The following XKR4 variants were observed in gnomAD, a reference collection of about 807,000 sequenced individuals.
The protein encoded by XKR4 is XK-related protein 4.
Under a neutral mutation model 53.9 loss-of-function variants are expected in XKR4, and 12 were observed. The observed-to-expected ratio is 0.22, with a 90% confidence interval of 0.14 to 0.36. The LOEUF (loss-of-function observed/expected upper bound fraction) is 0.36, where lower values mean the gene tolerates loss of function less well. Ranked by LOEUF, XKR4 falls within the 10% of genes least tolerant of loss-of-function variation. The pLI is 1.00. For synonymous variants in XKR4, 354 were observed against 362.4 expected (o/e 0.98, Z 0.26); for missense variants, 799 against 859.5 (o/e 0.93, Z 0.88).
At chr8:55,308,407 C>T (rs1413560226) in intron 1 of XKR4, among the ~76,000 whole-genome samples, 4 of 152,114 alleles carry the variant, frequency 2.6e-5, no homozygotes, top group Admixed American at 6.5e-5. Context: ...ACCTTTTTCA[C>T]AAGGCAGCAG....
rs967154664 is a variant in XKR4 at position 55,532,689 on chromosome 8, C to G, written c.*8462C>G. On this transcript the variant is annotated 3_prime_UTR_variant, in exon 3 of 3. Coordinates refer to ENST00000327381, the MANE Select transcript of XKR4 (RefSeq NM_052898.2). Reference sequence around the variant, plus strand: ...GCGGGCGCCTGTGGTCCCAGCTACTCGGGAGGCTGAGGCAGGAGAATGGCA... The same window carrying G: ...GCGGGCGCCTGTGGTCCCAGCTACTGGGGAGGCTGAGGCAGGAGAATGGCA... 6.8e-6 allele frequency: 1 copy of G among 147,764 alleles called. No individual in the cohort carries two copies. The highest frequency in any genetic ancestry group is 1.5e-5 in the Non-Finnish European group (1 of 67,578). The allele number at this position is 147,764 out of a possible 1,614,324, so 9.2% of individuals were successfully genotyped here.
At chr8:55,372,908 T>C (rs1425201186) in intron 2 of XKR4, among the ~76,000 whole-genome samples, 2 of 152,092 alleles carry the variant, frequency 1.3e-5, no homozygotes, top group Non-Finnish European at 2.9e-5. Flanking sequence ...CTGCAAACTG[T>C]CAGAGCAGAT....
At chr8:55,454,858 C>G in intron 2 of XKR4, 1 of 764,780 alleles carries the variant, frequency 1.3e-6, no homozygotes, top group Non-Finnish European at 2.4e-6. Context: ...TCCTCCCACT[C>G]AGTGGCATCC....
chr8:55,468,688 A>G (rs1345395058), intron 2 of XKR4, among the ~76,000 whole-genome samples: 1 of 152,116 alleles, frequency 6.6e-6, no homozygotes, highest in Non-Finnish European at 1.5e-5. Context: ...AGTTTCTTAA[A>G]CCTTCCTTGA....
chr8:55,163,507 A>G (rs1188156094), intron 1 of XKR4, among the ~76,000 whole-genome samples: 3 of 152,124 alleles, frequency 2.0e-5, no homozygotes, highest in African/African-American at 7.2e-5. Flanking sequence ...TTTTTGTTCC[A>G]TAGCTCAGAT....
intron 1 of XKR4, among the ~76,000 whole-genome samples, chr8:55,252,514 G>A (rs1196891831): frequency 2.0e-5 from 3 of 152,278 alleles, no homozygotes; most frequent in South Asian, 2.1e-4. Flanking sequence ...AACACAAGAC[G>A]CCGCCCGACC....
In XKR4 at chr8:55,408,398, C is replaced by T. The variant is rs142064269; in HGVS notation, c.1006+50521C>T. 7.2e-5 allele frequency among the ~76,000 whole-genome samples: 11 copies of T among 152,274 alleles called. No individual in the cohort carries two copies. The East Asian group carries it at 2.1e-3, about 29-fold the overall frequency. ...TGACTCAATCAAAAAAATGCTGGCTCAGAAGTTAAGAGTCCTGGCTTCACT... is the reference window on the plus strand; with the variant it reads ...TGACTCAATCAAAAAAATGCTGGCTTAGAAGTTAAGAGTCCTGGCTTCACT... On this transcript the variant is annotated intron_variant, in intron 2 of 2. Transcript: ENST00000327381.
chr8:55,454,422 C>T lies in XKR4; in HGVS notation c.1007-68859C>T. 10 of 1,255,286 alleles carry T rather than the reference C, an allele frequency of 8.0e-6. 2 individuals carry two copies. The South Asian group carries it at 1.3e-4, about 16-fold the overall frequency. 77.8% of individuals were successfully genotyped at this position (1,255,286 alleles called of 1,614,324 possible). ...AGCAATGCCAGGAGGCTCCTGCAGG[C>T]ATCGGTGAGCTGCTGGTAGCTCCGG... On this transcript the variant is annotated intron_variant, in intron 2 of 2. Transcript: ENST00000327381.
intron 1 of XKR4, among the ~76,000 whole-genome samples, chr8:55,294,787 G>C (rs772442279): frequency 6.6e-6 from 1 of 152,122 alleles, no homozygotes; most frequent in Non-Finnish European, 1.5e-5. Context: ...TAATAGGTGA[G>C]TGTTTGCAGC....
chr8:55,308,506 G>A (rs527602340), intron 1 of XKR4, among the ~76,000 whole-genome samples: 2 of 152,178 alleles, frequency 1.3e-5, no homozygotes, highest in East Asian at 3.9e-4. Flanking sequence ...AACAGCATGG[G>A]GGAAACTGCC....
intron 2 of XKR4, among the ~76,000 whole-genome samples, chr8:55,376,555 C>T (rs1225747860): frequency 6.6e-6 from 1 of 151,928 alleles, no homozygotes; most frequent in Non-Finnish European, 1.5e-5. Flanking sequence ...TGTTCTTTGC[C>T]CACTTTTTAA....
At chr8:55,337,654 G>C (rs1215686808) in intron 1 of XKR4, among the ~76,000 whole-genome samples, 2 of 152,182 alleles carry the variant, frequency 1.3e-5, no homozygotes, top group African/African-American at 4.8e-5. Context: ...GTATGCAGTG[G>C]CAGGGGCAAT....
chr8:55,163,258 T>A (rs963665346), intron 1 of XKR4, among the ~76,000 whole-genome samples: 2 of 152,228 alleles, frequency 1.3e-5, no homozygotes, highest in African/African-American at 4.8e-5. Context: ...TACTTATTAT[T>A]AGCTACTTGC....
chr8:55,522,339 G>T (rs957787957), intron 2 of XKR4, among the ~76,000 whole-genome samples: 2 of 152,202 alleles, frequency 1.3e-5, no homozygotes, highest in Non-Finnish European at 2.9e-5. Flanking sequence ...CTAAGAGATG[G>T]AAGACAGGGA....
chr8:55,328,992 T>C (rs904921189), intron 1 of XKR4, among the ~76,000 whole-genome samples: 1 of 152,176 alleles, frequency 6.6e-6, no homozygotes, highest in Non-Finnish European at 1.5e-5. Context: ...CAAGGGTCCC[T>C]GATTCTCTTG....
chr8:55,144,495 C>T (rs1052639071), intron 1 of XKR4, among the ~76,000 whole-genome samples: 4 of 152,088 alleles, frequency 2.6e-5, no homozygotes, highest in African/African-American at 4.8e-5. Context: ...TCCAGGCAAC[C>T]GTTGCCATGA....
chr8:55,508,570 T>C (rs550804344), intron 2 of XKR4, among the ~76,000 whole-genome samples: 1 of 152,278 alleles, frequency 6.6e-6, no homozygotes, highest in East Asian at 1.9e-4. Flanking sequence ...AGGATAGGTT[T>C]CTCAAAGGAG....
At chr8:55,471,558 T>C (rs1805883015) in intron 2 of XKR4, among the ~76,000 whole-genome samples, 1 of 152,126 alleles carries the variant, frequency 6.6e-6, no homozygotes, top group Non-Finnish European at 1.5e-5. Context: ...AACAGAGCTG[T>C]AAAGCATGGT....
intron 1 of XKR4, among the ~76,000 whole-genome samples, chr8:55,229,659 C>T (rs1818004174): frequency 6.6e-6 from 1 of 152,180 alleles, no homozygotes. Context: ...GCTTCCTTCC[C>T]TTCTGTCACG....
Sources: allele counts gnomAD v4.1 joint callset (sites outside exome capture counted in the v4.1 genomes callset), GRCh38; gene constraint gnomAD v4.1.1; transcripts MANE v1.5; gene names NCBI Gene and HGNC (gene_info 2026-07-23, HGNC 2026-07-21).